The following ST6GALNAC3 variants were observed in gnomAD, a reference collection of about 807,000 sequenced individuals.
The protein encoded by ST6GALNAC3 is alpha-N-acetylgalactosaminide alpha-2,6-sialyltransferase 3.
Under a neutral mutation model 32.7 loss-of-function variants are expected in ST6GALNAC3, and 25 were observed. The observed-to-expected ratio is 0.76, with a 90% CI of 0.56 to 1.07. The LOEUF (loss-of-function observed/expected upper bound fraction) is 1.07. ST6GALNAC3 is among the 50% of genes least tolerant of loss of function. The pLI is 0.00. For missense variants in ST6GALNAC3, 355 were observed against 382.4 expected (o/e 0.93, Z 0.60); for synonymous variants, 129 against 133.1 (o/e 0.97, Z 0.21).
intron 1 of ST6GALNAC3, among the ~76,000 whole-genome samples, chr1:76,264,328 G>A (rs551410892): frequency 6.6e-6 from 1 of 152,120 alleles, no homozygotes; most frequent in South Asian, 2.1e-4. Context: ...CTATATTATA[G>A]TCATCAAATT....
At chr1:76,540,461 T>C (rs1269278249) in intron 3 of ST6GALNAC3, among the ~76,000 whole-genome samples, 1 of 152,184 alleles carries the variant, frequency 6.6e-6, no homozygotes, top group Non-Finnish European at 1.5e-5. Context: ...TCTGCACATG[T>C]ATCCCATTTT....
intron 1 of ST6GALNAC3, among the ~76,000 whole-genome samples, chr1:76,161,444 C>T (rs966724203): frequency 1.2e-4 from 19 of 152,128 alleles, no homozygotes; most frequent in Non-Finnish European, 2.1e-4. Flanking sequence ...GCTTCCCTGC[C>T]GCTCCCCTCA....
In ST6GALNAC3 at chr1:76,416,034, A is replaced by AACACACACACACACAC. The variant is rs60710007; in HGVS notation, c.623+3643_623+3658dup. 3.9e-4 allele frequency among the ~76,000 whole-genome samples: 57 copies of AACACACACACACACAC among 144,428 alleles called. 1 individual carries two copies. The highest frequency in any genetic ancestry group is 1.2e-3 in the African/African-American group (47 of 39,126). 94.8% of individuals were successfully genotyped at this position (144,428 alleles called of 152,430 possible). A position where few individuals can be genotyped will look rare whatever the true frequency, so the allele number is the denominator to read the frequency against. On this transcript the variant is annotated intron_variant, in intron 3 of 4. Transcript: ENST00000328299. ...TAATTATTCATCTGCTTTATTCCAC[A>AACACACACACACACAC]ACACACACACACACACACACACACA...
chr1:76,531,520 T>C (rs1273321311), intron 3 of ST6GALNAC3, among the ~76,000 whole-genome samples: 1 of 152,202 alleles, frequency 6.6e-6, no homozygotes, highest in African/African-American at 2.4e-5. Context: ...AGTTTTCTGA[T>C]GTATAGAAAC....
chr1:76,478,979 G>T (rs997608662), intron 3 of ST6GALNAC3, among the ~76,000 whole-genome samples: 23 of 151,708 alleles, frequency 1.5e-4, no homozygotes, highest in Admixed American at 2.6e-4. Context: ...TAGACAGGAT[G>T]GTCTCGATCT....
chr1:76,365,776 A>G (rs1570978220), intron 2 of ST6GALNAC3, among the ~76,000 whole-genome samples: 1 of 152,308 alleles, frequency 6.6e-6, no homozygotes, highest in Admixed American at 6.5e-5. Flanking sequence ...ATTGATAAAC[A>G]AAGTCATTTA....
chr1:76,166,015 A>C (rs75705833), intron 1 of ST6GALNAC3, among the ~76,000 whole-genome samples: 2,679 of 152,154 alleles, frequency 0.018, 83 homozygotes, highest in African/African-American at 0.062. Flanking sequence ...CTTTAGTTTA[A>C]TTAGATCCTG....
In ST6GALNAC3 at chr1:76,631,066, T is replaced by A; in HGVS notation, c.*2260T>A. 1 of 978,162 alleles carries A rather than the reference T, an allele frequency of 1.0e-6. No homozygotes were observed. Among genetic ancestry groups the A allele is most frequent in the Non-Finnish European group, 1.2e-6 (1 of 823,296 alleles). 60.6% of individuals were successfully genotyped at this position (978,162 alleles called of 1,614,324 possible). On this transcript the variant is annotated 3_prime_UTR_variant, in exon 5 of 5. Coordinates refer to ENST00000328299, the MANE Select transcript of ST6GALNAC3 (RefSeq NM_152996.4). ...TTGAAAACTTGCTTGCTCTCCTGCC[T>A]CGTTGTAGCTTTCTCTGATGAAGAC...
intron 3 of ST6GALNAC3, among the ~76,000 whole-genome samples, chr1:76,572,925 G>T (rs1007447258): frequency 3.3e-5 from 5 of 152,080 alleles, no homozygotes; most frequent in Non-Finnish European, 7.4e-5. Flanking sequence ...ACTCACTAAG[G>T]ACGAAAATGA....
At chr1:76,399,788 G>T (rs1416884414) in intron 2 of ST6GALNAC3, among the ~76,000 whole-genome samples, 1 of 152,000 alleles carries the variant, frequency 6.6e-6, no homozygotes, top group East Asian at 1.9e-4. Flanking sequence ...CTCCACAGAG[G>T]TCTTGCACAT....
chr1:76,461,599 G>A (rs1658284140), intron 3 of ST6GALNAC3, among the ~76,000 whole-genome samples: 1 of 152,116 alleles, frequency 6.6e-6, no homozygotes, highest in South Asian at 2.1e-4. Flanking sequence ...CTTGTTACAG[G>A]CTCAGGATGA....
At chr1:76,595,687 ACG>A (rs954285432) in intron 3 of ST6GALNAC3, among the ~76,000 whole-genome samples, 15 of 46,372 alleles carry the variant, frequency 3.2e-4, no homozygotes, top group African/African-American at 3.5e-4. Context: ...CATCATACAC[ACG>A]CACACACACA....
intron 2 of ST6GALNAC3, among the ~76,000 whole-genome samples, chr1:76,314,498 A>T (rs1037514463): frequency 2.0e-5 from 3 of 152,178 alleles, no homozygotes; most frequent in African/African-American, 7.2e-5. Flanking sequence ...AAGAGTTTTC[A>T]AATTTAAAGG....
intron 1 of ST6GALNAC3, among the ~76,000 whole-genome samples, chr1:76,210,194 A>G (rs1325867307): frequency 6.6e-6 from 1 of 152,188 alleles, no homozygotes; most frequent in African/African-American, 2.4e-5. Context: ...TAAGCCCCAC[A>G]TGCATTAGCT....
intron 3 of ST6GALNAC3, among the ~76,000 whole-genome samples, chr1:76,456,687 T>C (rs930224728): frequency 6.6e-6 from 1 of 152,182 alleles, no homozygotes; most frequent in Non-Finnish European, 1.5e-5. Flanking sequence ...AAATTAGGTA[T>C]TGATGAGACG....
chr1:76,561,305 AAT>A (rs1468886390), intron 3 of ST6GALNAC3, among the ~76,000 whole-genome samples: 1 of 152,150 alleles, frequency 6.6e-6, no homozygotes, highest in Non-Finnish European at 1.5e-5. Context: ...AATAGGGTAC[AAT>A]AGTCAGTAAT....
At chr1:76,151,840 T>C (rs775066257) in intron 1 of ST6GALNAC3, among the ~76,000 whole-genome samples, 12 of 152,218 alleles carry the variant, frequency 7.9e-5, no homozygotes, top group South Asian at 2.1e-4. Flanking sequence ...GATGGGAGTC[T>C]AGACATTGTC....
At chr1:76,408,693 T>G (rs1250719720) in intron 2 of ST6GALNAC3, among the ~76,000 whole-genome samples, 4 of 152,142 alleles carry the variant, frequency 2.6e-5, no homozygotes, top group African/African-American at 9.7e-5. Flanking sequence ...GGCTAATTCA[T>G]TATAATGACT....
At chr1:76,390,410 G>A (rs4949712) in intron 2 of ST6GALNAC3, among the ~76,000 whole-genome samples, 150,060 of 152,322 alleles carry the variant, frequency 0.99, 73,964 homozygotes, top group Middle Eastern at 1. Context: ...TGATGTCTAC[G>A]TTACTGAAAA....
Sources: allele counts gnomAD v4.1 joint callset (sites outside exome capture counted in the v4.1 genomes callset), GRCh38; gene constraint gnomAD v4.1.1; transcripts MANE v1.5; gene names NCBI Gene and HGNC (gene_info 2026-07-23, HGNC 2026-07-21).